Variants in GTF3C1 observed in about 807,000 individuals in gnomAD.
GTF3C1 encodes general transcription factor 3C polypeptide 1.
In GTF3C1, 57 loss-of-function variants were observed where a neutral mutation model predicts 226.7. The observed-to-expected ratio is 0.25, with a 90% confidence interval of 0.20 to 0.31. The LOEUF (loss-of-function observed/expected upper bound fraction) is 0.31, where lower values mean the gene tolerates loss of function less well. Ranked by LOEUF, GTF3C1 falls within the 10% of genes least tolerant of loss-of-function variation. The probability of loss-of-function intolerance (pLI) is 1.00; values close to 1 mark genes in which losing one functional copy is unlikely to be tolerated. For synonymous variants in GTF3C1, 1,090 were observed against 1,084.8 expected (o/e 1.00, Z -0.09); for missense variants, 2,217 against 2,776.1 (o/e 0.80, Z 4.53).
chr16:27,535,510 G>A (rs923210140), intron 4 of GTF3C1, among the ~76,000 whole-genome samples: 1 of 151,474 alleles, frequency 6.6e-6, no homozygotes, highest in Non-Finnish European at 1.5e-5. Flanking sequence ...AGGAGGCAAA[G>A]GTTGCAGTGA....
At chr16:27,509,195 C>T (rs943522794) in intron 7 of GTF3C1, among the ~76,000 whole-genome samples, 3 of 152,216 alleles carry the variant, frequency 2.0e-5, no homozygotes, top group African/African-American at 2.4e-5. Context: ...TGGTATTCCT[C>T]AGCCCTGGAG....
chr16:27,488,582 G>A lies in GTF3C1; in HGVS notation c.3483C>T (p.Ser1161=). 1 of 1,613,998 alleles carries A rather than the reference G, an allele frequency of 6.2e-7. No individual in the cohort carries two copies. The highest frequency in any genetic ancestry group is 1.1e-5 in the South Asian group (1 of 91,074). ...TGGCACTGAGGGGCATTGGGCGCTT[G>A]GACAGAAATGTCTGGAGCCTCACTG... ...GLTVRLQTFL[S]KRPMPLSARG... Residue 1161 remains serine (S), a synonymous_variant, in exon 22 of 37, where the codon TCC becomes TCT. Coordinates refer to ENST00000356183, the MANE Select transcript of GTF3C1 (RefSeq NM_001520.4).
chr16:27,500,457 G>A (rs1252684247), intron 12 of GTF3C1, among the ~76,000 whole-genome samples: 4 of 152,174 alleles, frequency 2.6e-5, no homozygotes, highest in Non-Finnish European at 5.9e-5. Context: ...AAAAGCAGAA[G>A]AGCAAAAATG....
At chr16:27,525,159 A>T (rs1021825418) in intron 6 of GTF3C1, among the ~76,000 whole-genome samples, 12 of 151,230 alleles carry the variant, frequency 7.9e-5, no homozygotes, top group African/African-American at 1.7e-4. Flanking sequence ...TCAAAAAAAG[A>T]AAAGAAAGAA....
In GTF3C1 at chr16:27,461,417, T is replaced by C. The variant is rs995483343; in HGVS notation, c.6263A>G (p.Asp2088Gly). Residue 2088 changes from aspartate to glycine, a missense_variant, in exon 37 of 37, where the codon GAC becomes GGC. Asp to Gly is a moderately conservative substitution (Grantham distance 94, BLOSUM62 -1). Transcript: ENST00000356183. The surrounding 1 kb of genome is among the most constrained non-coding windows in gnomAD (Gnocchi z 5.3). Reference protein sequence around the residue: ...SPMAFYEPTLDCTLRLGRVFP... With the variant: ...SPMAFYEPTLGCTLRLGRVFP... ...CACACGGCCCAGCCGGAGGGTACAG[T>C]CCAAGGTGGGCTCATAGAAAGCCAT... 2 of 1,613,844 alleles carry C rather than the reference T, an allele frequency of 1.2e-6. No individual in the cohort carries two copies. Among genetic ancestry groups the C allele is most frequent in the East Asian group, 2.2e-5 (1 of 44,880 alleles).
At position 27,489,699 on chromosome 16, in the gene GTF3C1, G is replaced by T; in HGVS notation, c.3196C>A (p.Gln1066Lys). The T allele has an allele frequency of 1.2e-6, 2 of 1,612,026 alleles. No individual in the cohort carries two copies. The change falls in exon 20 of 37, where the codon CAG becomes AAG. Residue 1066 changes from glutamine to lysine, a missense_variant. Transcript: ENST00000356183. Reference sequence around the variant, plus strand: ...AGGCTGCCCTCCTCGTCGCTGCCCTGGTCTGTGCTGCTGTTCTTCCTGACG... The same window carrying T: ...AGGCTGCCCTCCTCGTCGCTGCCCTTGTCTGTGCTGCTGTTCTTCCTGACG... ...PRVRKNSSTD[Q>K]GSDEEGSLQK... is the part of the protein sequence containing the mutation.
chr16:27,474,156 T>C (rs889387215), intron 29 of GTF3C1, among the ~76,000 whole-genome samples: 2 of 152,200 alleles, frequency 1.3e-5, no homozygotes, highest in African/African-American at 4.8e-5. Flanking sequence ...ACATTGCTGT[T>C]GGCCTTCCAG....
chr16:27,501,439 T>A, intron 11 of GTF3C1, 95 bp from the exon 12 acceptor site: 1 of 1,086,944 alleles, frequency 9.2e-7, no homozygotes, highest in Non-Finnish European at 1.4e-6. Flanking sequence ...CGGTACCCAA[T>A]AGAAACAAGG....
At position 27,464,301 on chromosome 16, in the gene GTF3C1, G is replaced by A; in HGVS notation, c.5872+19C>T. ...GCCAGGGTGGGGTGAGGTGGGGTGG[G>A]GGACAAGGCGCGCGGTACCTCTGGG... On this transcript the variant is annotated intron_variant, in intron 34 of 36. Transcript: ENST00000356183. 2 of 1,433,300 alleles carry A rather than the reference G, an allele frequency of 1.4e-6. No homozygotes were observed. The highest frequency in any genetic ancestry group is 9.2e-7 in the Non-Finnish European group (1 of 1,088,546). The allele number at this position is 1,433,300 out of a possible 1,614,324, so 88.8% of individuals were successfully genotyped here.
chr16:27,517,395 A>G (rs2088674900), intron 6 of GTF3C1, among the ~76,000 whole-genome samples: 1 of 152,228 alleles, frequency 6.6e-6, no homozygotes, highest in African/African-American at 2.4e-5. Flanking sequence ...AGCGCACGTC[A>G]TCCAGGGTGA....
rs1193027139 is a variant in GTF3C1, at chr16:27,494,764, T to C, written c.2777A>G (p.Lys926Arg). The C allele has an allele frequency of 2.5e-6, 4 of 1,611,224 alleles. No homozygotes were observed. The highest frequency in any genetic ancestry group is 3.4e-6 in the Non-Finnish European group (4 of 1,177,362). ...GATAATGGCTCCTGTCACCAATACC[T>C]TGTAGCTGACTTGCACAATCTGGAT... ...IFIQIVQVSY[K>R]VDNLEEFLND... The change falls in exon 16 of 37, where the codon AAG (lysine) becomes AGG (arginine). Residue 926 changes from lysine (K) to arginine (R), a missense_variant and splice_region_variant. By Grantham distance (26) the Lys-to-Arg change is conservative. This residue lies in a region of GTF3C1 where 353 missense variants were observed against 411.7 expected (regional missense o/e 0.86). Coordinates refer to ENST00000356183, the MANE Select transcript of GTF3C1 (RefSeq NM_001520.4).
rs2087829380 is a variant in GTF3C1, at chr16:27,469,299, C to G, written c.5066G>C (p.Arg1689Thr). Residue 1689 changes from arginine to threonine, a missense_variant, in exon 32 of 37, where the codon AGG (arginine) becomes ACG (threonine). Physicochemically the swap from Arg to Thr is moderately conservative, Grantham distance 71. Coordinates refer to ENST00000356183, the MANE Select transcript of GTF3C1 (RefSeq NM_001520.4). This position sits in a 1 kb window ranked among gnomAD's most constrained non-coding sequence, Gnocchi z 4.5. ...CCAGCAGGAGCACTCACCAGCGGGC[C>G]TGAGCCGGGCGGGCACAGGGGTGCA... ...LRCTPVPARL[R>T]PAAAPLEELT... The G allele has an allele frequency of 6.4e-7, 1 of 1,562,826 alleles. No individual in the cohort carries two copies. Among genetic ancestry groups the G allele is most frequent in the South Asian group, 1.2e-5 (1 of 85,170 alleles).
intron 24 of GTF3C1, among the ~76,000 whole-genome samples, chr16:27,484,693 G>T (rs1180851512): frequency 6.6e-6 from 1 of 152,246 alleles, no homozygotes. Context: ...TGTTTAGTTA[G>T]AGGTCTTAGT....
intron 16 of GTF3C1, among the ~76,000 whole-genome samples, chr16:27,494,402 TAAAAAAAAAAC>T (rs1219637111): frequency 1.1e-5 from 1 of 94,310 alleles, no homozygotes; most frequent in Non-Finnish European, 2.2e-5. Context: ...CTCTGTCTCA[TAAAAAAAAAAC>T]AAAAAAAAAA....
rs752991365 is a variant in GTF3C1 at position 27,464,316 on chromosome 16, G to A, written c.5872+4C>T. 4 of 1,456,716 alleles carry A rather than the reference G, an allele frequency of 2.7e-6. No individual in the cohort carries two copies. The highest frequency in any genetic ancestry group is 2.7e-5 in the Admixed American group (1 of 37,658). 90.2% of individuals were successfully genotyped at this position (1,456,716 alleles called of 1,614,324 possible). On this transcript the variant is annotated splice_donor_region_variant and intron_variant, in intron 34 of 36. Transcript: ENST00000356183. The stretch of plus-strand genomic sequence containing the variant: ...GGTGGGGTGGGGGACAAGGCGCGCG[G>A]TACCTCTGGGGTCTTCAGAGCCCTC...
rs530717334 is a variant in GTF3C1 at position 27,511,988 on chromosome 16, T to C, written c.974-87A>G. ...AGGGGTTCTGAAATATCACAGCACATGTCAGCAGAGACAGAGATCCCCACA... is the reference window on the plus strand; with the variant it reads ...AGGGGTTCTGAAATATCACAGCACACGTCAGCAGAGACAGAGATCCCCACA... On this transcript the variant is annotated intron_variant, in intron 6 of 36. Transcript: ENST00000356183. 2.3e-5 allele frequency: 33 copies of C among 1,423,034 alleles called. 1 individual carries two copies. Among genetic ancestry groups the C allele is most frequent in the African/African-American group, 1.8e-4 (13 of 71,662 alleles). 88.2% of individuals were successfully genotyped at this position (1,423,034 alleles called of 1,614,324 possible). A position where few individuals can be genotyped will look rare whatever the true frequency, so the allele number is the denominator to read the frequency against.
chr16:27,512,946 C>T (rs984780288), intron 6 of GTF3C1, among the ~76,000 whole-genome samples: 1 of 152,138 alleles, frequency 6.6e-6, no homozygotes, highest in Non-Finnish European at 1.5e-5. Flanking sequence ...CTGTGATACG[C>T]GACAACCTGG....
chr16:27,469,661 C>G lies in GTF3C1; in HGVS notation c.4815-111G>C. On this transcript the variant is annotated intron_variant, in intron 31 of 36. Coordinates refer to ENST00000356183, the MANE Select transcript of GTF3C1 (RefSeq NM_001520.4). The surrounding 1 kb of genome is among the most constrained non-coding windows in gnomAD (Gnocchi z 4.5). ...GGCTGGGCTTCAGCAGTGGCCCCAG[C>G]AACTGGCTATGCTTCATTACCAAGG... 1 of 1,194,286 alleles carries G rather than the reference C, an allele frequency of 8.4e-7. No individual in the cohort carries two copies. Among genetic ancestry groups the G allele is most frequent in the East Asian group, 2.4e-5 (1 of 42,496 alleles). 74.0% of individuals were successfully genotyped at this position (1,194,286 alleles called of 1,614,324 possible). A position where few individuals can be genotyped will look rare whatever the true frequency, so the allele number is the denominator to read the frequency against.
chr16:27,482,600 G>A (rs1478305300), intron 26 of GTF3C1: 13 of 456,396 alleles, frequency 2.8e-5, no homozygotes, highest in Admixed American at 1.4e-4. Context: ...AGTGTCCAGG[G>A]TTAGCACAGA....
Sources: gnomAD v4.1 joint callset for allele counts (sites outside exome capture counted in the v4.1 genomes callset) on GRCh38, gnomAD v4.1.1 for gene constraint, gnomAD v4.1.1 regional missense constraint, Gnocchi (gnomAD v3.1) non-coding constraint, MANE v1.5 for transcripts, NCBI Gene and HGNC (gene_info 2026-07-23, HGNC 2026-07-21) for gene names.